EPN2: variants seen among roughly 807,000 people sequenced by gnomAD.
EPN2 encodes epsin-2.
Under a neutral mutation model 61.7 loss-of-function variants are expected in EPN2, and 34 were observed. That is an observed-to-expected ratio of 0.55 (90% CI 0.42 to 0.73). The LOEUF is 0.73. Ranked by LOEUF, EPN2 falls within the 30% of genes least tolerant of loss-of-function variation. The pLI, the probability that EPN2 is intolerant of heterozygous loss-of-function variation, is 0.00. For synonymous variants in EPN2, 349 were observed against 353.6 expected, an observed-to-expected ratio of 0.99 and a Z score of 0.15; for missense variants, 714 against 839.2, an observed-to-expected ratio of 0.85 and a Z score of 1.84.
intron 1 of EPN2, among the ~76,000 whole-genome samples, chr17:19,246,912 C>T (rs941447316): frequency 2.6e-5 from 4 of 151,950 alleles, no homozygotes; most frequent in South Asian, 4.1e-4. Context: ...GGACTACAGG[C>T]GCCCGCCACC....
In EPN2 at chr17:19,309,881, A is replaced by G. The variant is rs754692957; in HGVS notation, c.767-4A>G. On this transcript the variant is annotated splice_region_variant and splice_polypyrimidine_tract_variant and intron_variant, in intron 4 of 10. Transcript: ENST00000314728. ...GCATATGATGACTTGGTCTTCCCCA[A>G]CAGCCACCTCCCCGCGAGTGTCCTC... 7.5e-6 allele frequency: 12 copies of G among 1,605,014 alleles called. No homozygotes were observed. The highest frequency in any genetic ancestry group is 1.1e-5 in the South Asian group (1 of 91,064).
intron 4 of EPN2, among the ~76,000 whole-genome samples, chr17:19,288,749 C>T (rs982666064): frequency 5.9e-5 from 9 of 152,146 alleles, no homozygotes; most frequent in South Asian, 2.1e-4. Flanking sequence ...TCCATCCAGA[C>T]GGGTCCTTTT....
chr17:19,247,699 A>C (rs2044968345), intron 1 of EPN2, among the ~76,000 whole-genome samples: 1 of 149,360 alleles, frequency 6.7e-6, no homozygotes, highest in African/African-American at 2.6e-5. Context: ...TTTTCTGGGT[A>C]GTAGGGAGCA....
At chr17:19,328,150 G>C (rs1313059723) in intron 7 of EPN2, among the ~76,000 whole-genome samples, 1 of 152,150 alleles carries the variant, frequency 6.6e-6, no homozygotes, top group Non-Finnish European at 1.5e-5. Context: ...TATTGCTTAA[G>C]TTGGGTGGTA....
At chr17:19,329,086 C>G in intron 8 of EPN2, 199 bp downstream of exon 8, 1 of 526,038 alleles carries the variant, frequency 1.9e-6, no homozygotes, top group Non-Finnish European at 3.3e-6. Context: ...AGGCTTTGTG[C>G]GCTGGTACCT....
At chr17:19,278,983 A>G (rs934715336) in intron 1 of EPN2, among the ~76,000 whole-genome samples, 3 of 152,208 alleles carry the variant, frequency 2.0e-5, no homozygotes, top group African/African-American at 4.8e-5. Context: ...GCTCCTGTCT[A>G]TAAACTTCAA....
At chr17:19,246,860 C>T (rs575418466) in intron 1 of EPN2, among the ~76,000 whole-genome samples, 76 of 151,540 alleles carry the variant, frequency 5.0e-4, no homozygotes, top group South Asian at 2.1e-3. Flanking sequence ...GCTCCGCCCC[C>T]GGGTTCACGC....
In EPN2 at chr17:19,283,605, C is replaced by T; in HGVS notation, c.486C>T (p.Gly162=). The change falls in exon 3 of 11, where the codon GGC becomes GGT. Residue 162 remains glycine (G), a synonymous_variant. Coordinates refer to ENST00000314728, the MANE Select transcript of EPN2 (RefSeq NM_014964.5). The surrounding 1 kb of genome is among the most constrained non-coding windows in gnomAD (Gnocchi z 7.0). The stretch of plus-strand genomic sequence containing the variant: ...TGGCCCAGGTTGCCACTGGCATGGG[C>T]AGCAACCAGATCACCTTTGGGCGAG... ...ERMAQVATGM[G]SNQITFGRGS... 6.2e-7 allele frequency: 1 copy of T among 1,614,180 alleles called. No individual in the cohort carries two copies. The highest frequency in any genetic ancestry group is 1.1e-5 in the South Asian group (1 of 91,088).
intron 10 of EPN2, among the ~76,000 whole-genome samples, chr17:19,333,018 T>C (rs1907234395): frequency 6.6e-6 from 1 of 152,082 alleles, no homozygotes; most frequent in Admixed American, 6.5e-5. Context: ...AGAGGTGAGG[T>C]GTGTGGAGTT....
intron 4 of EPN2, among the ~76,000 whole-genome samples, chr17:19,305,060 A>G (rs1905765222): frequency 1.3e-5 from 2 of 151,930 alleles, no homozygotes; most frequent in African/African-American, 4.8e-5. Flanking sequence ...CACTGCACAG[A>G]GCCATTTGAT....
chr17:19,250,407 A>G (rs1459459813), intron 1 of EPN2, among the ~76,000 whole-genome samples: 1 of 151,984 alleles, frequency 6.6e-6, no homozygotes, highest in Admixed American at 6.6e-5. Flanking sequence ...AGAAACTTAA[A>G]TTCTAACTGC....
At chr17:19,323,776 C>T (rs916251532) in intron 7 of EPN2, among the ~76,000 whole-genome samples, 11 of 152,356 alleles carry the variant, frequency 7.2e-5, no homozygotes, top group Non-Finnish European at 1.5e-4. Flanking sequence ...GCAACAAAAA[C>T]TGCCAACCCC....
intron 4 of EPN2, among the ~76,000 whole-genome samples, chr17:19,295,579 A>G (rs181462976): frequency 8.1e-4 from 123 of 152,322 alleles, no homozygotes; most frequent in African/African-American, 2.9e-3. Context: ...AGTCAATTCC[A>G]GAAATATAGG....
At chr17:19,239,163 T>G (rs1424486783) in intron 1 of EPN2, among the ~76,000 whole-genome samples, 2 of 152,236 alleles carry the variant, frequency 1.3e-5, no homozygotes, top group African/African-American at 2.4e-5. Flanking sequence ...TATTTATTTA[T>G]TTTTTTGAGA....
chr17:19,321,996 C>A (rs1448533959), intron 7 of EPN2, among the ~76,000 whole-genome samples: 2 of 152,212 alleles, frequency 1.3e-5, no homozygotes, highest in Non-Finnish European at 1.5e-5. Context: ...GGGCTTGTCT[C>A]TACAGTGTGA....
intron 9 of EPN2, among the ~76,000 whole-genome samples, chr17:19,330,413 G>A (rs1598027375): frequency 6.6e-6 from 1 of 151,882 alleles, no homozygotes; most frequent in East Asian, 1.9e-4. Context: ...CCTACCAACT[G>A]TAGCCACAAG....
chr17:19,288,798 G>T (rs1481899452), intron 4 of EPN2, among the ~76,000 whole-genome samples: 1 of 152,190 alleles, frequency 6.6e-6, no homozygotes, highest in Non-Finnish European at 1.5e-5. Context: ...TCATTGCTAG[G>T]AGCTTTTGAA....
At chr17:19,255,652 C>G (rs1356627183) in intron 1 of EPN2, among the ~76,000 whole-genome samples, 1 of 146,070 alleles carries the variant, frequency 6.8e-6, no homozygotes. Context: ...GACAAAGAGT[C>G]TTGCTCTGTT....
chr17:19,326,717 G>A (rs954206412), intron 7 of EPN2, among the ~76,000 whole-genome samples: 6 of 137,840 alleles, frequency 4.4e-5, no homozygotes, highest in African/African-American at 1.3e-4. Flanking sequence ...GTGCAAGGAC[G>A]GAAATAGGTA....
Sources: gnomAD v4.1 joint callset for allele counts (sites outside exome capture counted in the v4.1 genomes callset) on GRCh38, gnomAD v4.1.1 for gene constraint, Gnocchi (gnomAD v3.1) non-coding constraint, MANE v1.5 for transcripts, NCBI Gene and HGNC (gene_info 2026-07-23, HGNC 2026-07-21) for gene names.